The following LRRC37A2 variants were observed in gnomAD, a reference collection of about 807,000 sequenced individuals.
LRRC37A2 encodes the protein leucine rich repeat containing 37 member A2.
LRRC37A2 carries 9 observed loss-of-function variants against 68.8 expected under a neutral mutation model. The ratio of observed to expected loss-of-function variants is 0.13; its 90% CI spans 0.08 to 0.23. The LOEUF (loss-of-function observed/expected upper bound fraction) is 0.23, where lower values mean the gene tolerates loss of function less well. Ranked by LOEUF, LRRC37A2 falls within the 10% of genes least tolerant of loss-of-function variation. The probability of loss-of-function intolerance (pLI) is 1.00; values close to 1 mark genes in which losing one functional copy is unlikely to be tolerated. For missense variants in LRRC37A2, 168 were observed against 950.4 expected, an observed-to-expected ratio of 0.18 and a Z score of 10.82; for synonymous variants, 63 against 367.6, an observed-to-expected ratio of 0.17 and a Z score of 9.48.
the LRRC37A2 span, among the ~76,000 whole-genome samples, chr17:46,489,815 A>G: frequency 1.3e-4 from 20 of 150,450 alleles, no homozygotes; most frequent in African/African-American, 7.5e-5. Flanking sequence ...AACTTTTTCT[A>G]GTCTACTAAG....
the LRRC37A2 span, among the ~76,000 whole-genome samples, chr17:46,765,632 C>T: frequency 2.0e-5 from 3 of 152,386 alleles, no homozygotes; most frequent in South Asian, 2.1e-4. Flanking sequence ...CAGTGCATCC[C>T]GCAGGCTCCC....
chr17:46,753,720 C>T, the LRRC37A2 span, among the ~76,000 whole-genome samples: 1 of 152,088 alleles, frequency 6.6e-6, no homozygotes, highest in South Asian at 2.1e-4. Flanking sequence ...GCTTCTTATG[C>T]ATGTGGGATA....
At chr17:46,808,917 C>T in the LRRC37A2 span, among the ~76,000 whole-genome samples, 4 of 152,268 alleles carry the variant, frequency 2.6e-5, no homozygotes, top group African/African-American at 9.6e-5. Context: ...GAGAGACCCT[C>T]TAAGGACCCT....
At chr17:46,949,022 C>T in the LRRC37A2 span, 1 of 152,220 alleles carries the variant, frequency 6.6e-6, no homozygotes, top group African/African-American at 2.4e-5. Flanking sequence ...CATTGTGATC[C>T]ACTGCTGTGT....
the LRRC37A2 span, among the ~76,000 whole-genome samples, chr17:46,418,014 A>G: frequency 4.7e-5 from 6 of 128,770 alleles, no homozygotes; most frequent in Non-Finnish European, 8.5e-5. Flanking sequence ...CCTGTCTACA[A>G]GCTCTGAGCG....
At chr17:47,022,185 TCC>T in the LRRC37A2 span, among the ~76,000 whole-genome samples, 10 of 45,200 alleles carry the variant, frequency 2.2e-4, no homozygotes, top group South Asian at 1.5e-3. Context: ...TTTTTTTTTT[TCC>T]AGAGACAGGT....
At chr17:46,863,956 C>G in the LRRC37A2 span, among the ~76,000 whole-genome samples, 231 of 152,270 alleles carry the variant, frequency 1.5e-3, 4 homozygotes, top group East Asian at 7.7e-3. Flanking sequence ...TGTGGGCCAT[C>G]CGTGGGGCCT....
At chr17:46,533,505 T>C (rs1443695922) in intron 6 of LRRC37A2, among the ~76,000 whole-genome samples, 2 of 147,218 alleles carry the variant, frequency 1.4e-5, no homozygotes, top group Non-Finnish European at 1.5e-5. Context: ...TCTTTTTTTT[T>C]TTTTTCTTTA....
chr17:46,752,673 C>G, the LRRC37A2 span, among the ~76,000 whole-genome samples: 1 of 152,144 alleles, frequency 6.6e-6, no homozygotes, highest in Non-Finnish European at 1.5e-5. Flanking sequence ...CCAGGCTGGT[C>G]TTGAACTCCC....
chr17:46,830,682 G>C, the LRRC37A2 span: 1 of 398,636 alleles, frequency 2.5e-6, no homozygotes. Context: ...GTCAAAGGTT[G>C]GACTTTTGGG....
At chr17:46,837,408 G>T in the LRRC37A2 span, among the ~76,000 whole-genome samples, 6 of 152,156 alleles carry the variant, frequency 3.9e-5, no homozygotes, top group African/African-American at 7.2e-5. Context: ...AATATTTGGG[G>T]GACTGGAGGG....
the LRRC37A2 span, among the ~76,000 whole-genome samples, chr17:46,809,313 C>T: frequency 2.6e-5 from 4 of 152,262 alleles, no homozygotes; most frequent in East Asian, 7.7e-4. Context: ...ACAGCACAAG[C>T]CCTATTTGCA....
chr17:46,843,871 T>C, the LRRC37A2 span, among the ~76,000 whole-genome samples: 1 of 152,354 alleles, frequency 6.6e-6, no homozygotes, highest in Non-Finnish European at 1.5e-5. Flanking sequence ...AAGAACTGAC[T>C]TCATCATCTC....
At chr17:46,530,457 G>C (rs531671287) in intron 6 of LRRC37A2, among the ~76,000 whole-genome samples, 3 of 141,616 alleles carry the variant, frequency 2.1e-5, no homozygotes, top group Non-Finnish European at 4.6e-5. Flanking sequence ...GAATAGGAAA[G>C]AGGAGGGGGA....
the LRRC37A2 span, among the ~76,000 whole-genome samples, chr17:46,963,481 G>A: frequency 6.6e-6 from 1 of 151,314 alleles, no homozygotes; most frequent in Non-Finnish European, 1.5e-5. Flanking sequence ...GGAGGTGGAG[G>A]TTACAGTGAG....
At chr17:46,941,166 G>T in the LRRC37A2 span, 10 of 1,006,070 alleles carry the variant, frequency 9.9e-6, no homozygotes, top group African/African-American at 1.7e-5. Context: ...ATTTACTTCA[G>T]GGGGACCACT....
chr17:46,623,343 CTTTGGCTTGAGG>C, the LRRC37A2 span, among the ~76,000 whole-genome samples: 1 of 51,018 alleles, frequency 2.0e-5, no homozygotes, highest in Non-Finnish European at 3.1e-5. Context: ...AAAAAATCAG[CTTTGGCTTGAGG>C]TTTGAAGAAT....
At chr17:46,972,827 G>A in the LRRC37A2 span, among the ~76,000 whole-genome samples, 1 of 152,100 alleles carries the variant, frequency 6.6e-6, no homozygotes, top group Middle Eastern at 3.4e-3. Context: ...GCATCTCGAG[G>A]GCAGAGCCTG....
the LRRC37A2 span, among the ~76,000 whole-genome samples, chr17:46,772,452 G>A: frequency 6.6e-6 from 1 of 152,232 alleles, no homozygotes; most frequent in East Asian, 1.9e-4. Flanking sequence ...TAGACGCAGG[G>A]TTGTTTGATT....
Sources: allele counts gnomAD v4.1 joint callset (sites outside exome capture counted in the v4.1 genomes callset), GRCh38; gene constraint gnomAD v4.1.1; transcripts MANE v1.5; gene names NCBI Gene and HGNC (gene_info 2026-07-23, HGNC 2026-07-21).